Variants in HSPH1 observed in about 807,000 individuals in gnomAD.
HSPH1 encodes the protein heat shock protein family H (Hsp110) member 1, also known as heat shock protein 105 kDa.
In HSPH1, 40 loss-of-function variants were observed where a neutral mutation model predicts 100.0. The ratio of observed to expected loss-of-function variants is 0.40; its 90% CI spans 0.31 to 0.52. The LOEUF is 0.52. Among genes scored for constraint, HSPH1 ranks in the 20% least tolerant of loss-of-function variants. The pLI is 0.54. For synonymous variants in HSPH1, 403 were observed against 344.0 expected (o/e 1.17, Z -1.90); for missense variants, 876 against 1,015.1 (o/e 0.86, Z 1.86).
chr13:31,162,115 C>A, upstream of HSPH1: 1 of 1,535,298 alleles, frequency 6.5e-7, no homozygotes, highest in Non-Finnish European at 8.7e-7. Flanking sequence ...GGGCCGCTCC[C>A]GTGCCATTGG....
chr13:31,155,216 C>T (rs1322033424), intron 3 of HSPH1, among the ~76,000 whole-genome samples: 1 of 152,182 alleles, frequency 6.6e-6, no homozygotes, highest in Non-Finnish European at 1.5e-5. Flanking sequence ...TCAGAACAGA[C>T]TTTTGTTTGA....
In HSPH1 at chr13:31,135,233, C is replaced by A. The variant is rs1006315970; in HGVS notation, c.*2085G>T. The A allele has an allele frequency of 1.3e-5, 2 of 152,194 alleles. No individual in the cohort carries two copies. Among genetic ancestry groups the A allele is most frequent in the Non-Finnish European group, 2.9e-5 (2 of 68,034 alleles). 9.4% of individuals were successfully genotyped at this position (152,194 alleles called of 1,614,324 possible). ...GGCCAGACTGACTGATGCTCCCTCCCGTCATCAGGTTCTATTTTAGGACAG... is the reference window on the plus strand; with the variant it reads ...GGCCAGACTGACTGATGCTCCCTCCAGTCATCAGGTTCTATTTTAGGACAG... On this transcript the variant is annotated 3_prime_UTR_variant, in exon 18 of 18. Transcript: ENST00000320027.
At chr13:31,156,835 C>T (rs17075586) in intron 2 of HSPH1, among the ~76,000 whole-genome samples, 2,593 of 152,210 alleles carry the variant, frequency 0.017, 73 homozygotes, top group African/African-American at 0.06. Context: ...ACACAACTGG[C>T]GCACGTTTGT....
At chr13:31,151,958 T>C (rs969314650) in intron 5 of HSPH1, 3 of 504,186 alleles carry the variant, frequency 6.0e-6, no homozygotes, top group Non-Finnish European at 7.0e-6. Flanking sequence ...CACTTTTCAA[T>C]ATATGGAGAT....
rs1335160127 is a variant in HSPH1 at position 31,150,260 on chromosome 13, T to C, written c.909-78A>G. ...ACTTTTGACAACCCAATGAATTTCA[T>C]TATTTTCCCCCTCAGACACCTTGGA... On this transcript the variant is annotated intron_variant, in intron 7 of 17. Transcript: ENST00000320027. The C allele has an allele frequency of 7.7e-6, 8 of 1,034,150 alleles. No individual in the cohort carries two copies. The East Asian group carries it at 1.7e-4, about 22-fold the overall frequency. 64.1% of individuals were successfully genotyped at this position (1,034,150 alleles called of 1,614,324 possible).
At chr13:31,153,048 T>A in intron 4 of HSPH1, 97 bp from the exon 5 acceptor site, 1 of 798,134 alleles carries the variant, frequency 1.3e-6, no homozygotes, top group Non-Finnish European at 2.1e-6. Context: ...TCCAGCTAAG[T>A]AGGTGCCTCG....
rs1374731651 is a variant in HSPH1 at position 31,141,200 on chromosome 13, C to T, written c.1776G>A (p.Val592=). The T allele has an allele frequency of 6.2e-7, 1 of 1,610,888 alleles. No homozygotes were observed. Among genetic ancestry groups the T allele is most frequent in the Admixed American group, 1.7e-5 (1 of 59,732 alleles). The change falls in exon 13 of 18, where the codon GTG becomes GTA. Residue 592 remains valine (V), a synonymous_variant. Coordinates refer to ENST00000320027, the MANE Select transcript of HSPH1 (RefSeq NM_006644.4). The part of the protein sequence containing the change: ...PEAKKPKIKV[V]NVELPIEANL... ...TGGCTTCAATAGGCAGCTCAACATT[C>T]ACCACCTTTATTTTGGGCTTTTTAG...
chr13:31,157,824 A>G (rs1052152537), intron 2 of HSPH1, among the ~76,000 whole-genome samples: 3 of 152,192 alleles, frequency 2.0e-5, no homozygotes, highest in Admixed American at 6.5e-5. Flanking sequence ...CACGTTAAAA[A>G]CTGGTAAGAG....
At chr13:31,141,801 TACAC>T (rs58627057) in intron 12 of HSPH1, among the ~76,000 whole-genome samples, 27 of 91,664 alleles carry the variant, frequency 2.9e-4, no homozygotes, top group South Asian at 2.0e-3. Flanking sequence ...TACACATACA[TACAC>T]ACACACACAC....
chr13:31,143,109 G>A (rs992626176), intron 12 of HSPH1, among the ~76,000 whole-genome samples: 2 of 152,036 alleles, frequency 1.3e-5, no homozygotes, highest in Admixed American at 1.3e-4. Flanking sequence ...CCAAGAGCAG[G>A]CTAATTATTT....
chr13:31,143,302 A>C (rs918279362), intron 12 of HSPH1, among the ~76,000 whole-genome samples: 1 of 152,146 alleles, frequency 6.6e-6, no homozygotes, highest in African/African-American at 2.4e-5. Flanking sequence ...GAAGCAGGAC[A>C]AAAAAATAAT....
intron 2 of HSPH1, among the ~76,000 whole-genome samples, chr13:31,157,101 C>T (rs2137647352): frequency 6.6e-6 from 1 of 152,282 alleles, no homozygotes; most frequent in South Asian, 2.1e-4. Context: ...CTTGGCAGTA[C>T]TAGTTTTCAA....
rs139159692 is a variant in HSPH1 at position 31,151,402 on chromosome 13, T to C, written c.663+207A>G. 2.8e-3 allele frequency: 1,899 copies of C among 682,560 alleles called. 30 individuals are homozygous for C. The African/African-American group carries it at 0.031, about 11-fold the overall frequency. The allele number at this position is 682,560 out of a possible 1,614,324, so 42.3% of individuals were successfully genotyped here. ...GAAAATAACTGTAAAAAGCCTTTTC[T>C]TTCCTAAACAAGAACACTTAAGAGT... On this transcript the variant is annotated intron_variant, in intron 6 of 17. Coordinates refer to ENST00000320027, the MANE Select transcript of HSPH1 (RefSeq NM_006644.4).
In HSPH1 at chr13:31,145,587, T is replaced by G; in HGVS notation, c.1560A>C (p.Arg520Ser). Residue 520 changes from arginine to serine, a missense_variant, in exon 11 of 18, where the codon AGA becomes AGC. Coordinates refer to ENST00000320027, the MANE Select transcript of HSPH1 (RefSeq NM_006644.4). ...SEADMECLNQRPPENPDTDKN... is the reference protein window; with the variant it reads ...SEADMECLNQSPPENPDTDKN... Reference sequence around the variant, plus strand: ...CATCAGTGTCTGGGTTTTCTGGTGGTCTCTGATTCAGACACTCCATGTCAG... The same window carrying G: ...CATCAGTGTCTGGGTTTTCTGGTGGGCTCTGATTCAGACACTCCATGTCAG... 1 of 1,613,406 alleles carries G rather than the reference T, an allele frequency of 6.2e-7. No homozygotes were observed. Among genetic ancestry groups the G allele is most frequent in the South Asian group, 1.1e-5 (1 of 91,056 alleles).
chr13:31,160,264 A>C (rs1956848685), intron 1 of HSPH1, among the ~76,000 whole-genome samples: 1 of 152,210 alleles, frequency 6.6e-6, no homozygotes, highest in Non-Finnish European at 1.5e-5. Context: ...AATTAAAAAA[A>C]CCTTAACCAA....
At position 31,139,002 on chromosome 13, in the gene HSPH1, T is replaced by A. The variant is rs548315411; in HGVS notation, c.2086A>T (p.Met696Leu). ...QAYVDKLEEL[M>L]KIGTPVKVRF... Reference sequence around the variant, plus strand: ...TTTTGGGGGAGAAAACGACCTACCATTAATTCTTCCAACTTGTCAACATAT... The same window carrying A: ...TTTTGGGGGAGAAAACGACCTACCAATAATTCTTCCAACTTGTCAACATAT... Residue 696 changes from methionine (M) to leucine (L), a missense_variant and splice_region_variant, in exon 15 of 18, where the codon ATG (methionine) becomes TTG (leucine). Transcript: ENST00000320027. 4.4e-6 allele frequency: 7 copies of A among 1,608,112 alleles called. No homozygotes were observed. The South Asian group carries it at 7.7e-5, about 18-fold the overall frequency.
intron 4 of HSPH1, among the ~76,000 whole-genome samples, chr13:31,153,730 TGA>T (rs1208606394): frequency 1.3e-5 from 2 of 151,776 alleles, no homozygotes; most frequent in African/African-American, 4.8e-5. Context: ...TGTAGATGCT[TGA>T]GAGAGAGACA....
intron 11 of HSPH1, 35 bp from the exon 12 acceptor site, chr13:31,143,958 A>T: frequency 6.5e-7 from 1 of 1,547,698 alleles, no homozygotes; most frequent in African/African-American, 1.4e-5. Flanking sequence ...GGATGTAGAA[A>T]GCAGGTGTAC....
intron 10 of HSPH1, 69 bp from the exon 11 acceptor site, chr13:31,145,837 G>A (rs951722681): frequency 2.8e-6 from 4 of 1,434,102 alleles, no homozygotes; most frequent in East Asian, 2.4e-5. Context: ...CTCTGTAGAG[G>A]AGGCCAGGTG....
Sources: allele counts gnomAD v4.1 joint callset (sites outside exome capture counted in the v4.1 genomes callset), GRCh38; gene constraint gnomAD v4.1.1; transcripts MANE v1.5; gene names NCBI Gene and HGNC (gene_info 2026-07-23, HGNC 2026-07-21).